PTPRN2: variants seen among roughly 807,000 people sequenced by gnomAD.
PTPRN2 encodes protein tyrosine phosphatase receptor type N2.
PTPRN2 carries 74 observed loss-of-function variants against 118.8 expected under a neutral mutation model. That is an observed-to-expected ratio of 0.62 (90% CI 0.52 to 0.76). The LOEUF is 0.76. Among genes scored for constraint, PTPRN2 ranks in the 30% least tolerant of loss-of-function variants. The pLI is 0.00. For missense variants in PTPRN2, 1,481 were observed against 1,394.4 expected, an observed-to-expected ratio of 1.06 and a Z score of -0.99; for synonymous variants, 641 against 608.0, an observed-to-expected ratio of 1.05 and a Z score of -0.80.
intron 12 of PTPRN2, among the ~76,000 whole-genome samples, chr7:157,802,558 G>A (rs969549126): frequency 6.6e-6 from 1 of 152,206 alleles, no homozygotes; most frequent in African/African-American, 2.4e-5. Context: ...CCGTCACTTC[G>A]AGGTCCTGAT....
intron 2 of PTPRN2, among the ~76,000 whole-genome samples, chr7:158,443,418 C>T (rs10249381): frequency 0.53 from 81,352 of 152,146 alleles, 22,003 homozygotes; most frequent in East Asian, 0.65. Flanking sequence ...CAACGGAGAA[C>T]TGACGAGACT....
chr7:157,932,354 T>C (rs1408803473), intron 11 of PTPRN2, among the ~76,000 whole-genome samples: 1 of 151,776 alleles, frequency 6.6e-6, no homozygotes, highest in African/African-American at 2.4e-5. Flanking sequence ...ACCGACGTCA[T>C]GTCTCTCTAG....
intron 12 of PTPRN2, among the ~76,000 whole-genome samples, chr7:157,891,311 G>A (rs1290774565): frequency 6.6e-6 from 1 of 152,070 alleles, no homozygotes; most frequent in Non-Finnish European, 1.5e-5. Context: ...TGACAGGGTG[G>A]AAGTCAGGGG....
At position 158,121,576 on chromosome 7, in the gene PTPRN2, G is replaced by A. The variant is rs182266339; in HGVS notation, c.1557-10661C>T. ...CCTTTTCTAGCATGTTTCAAACCAA[G>A]GGGATGGTATGAGGACATGGGAGGG... is the stretch of plus-strand genomic sequence containing the variant. On this transcript the variant is annotated intron_variant, in intron 9 of 22. Transcript: ENST00000389418. Among the ~76,000 whole-genome samples the A allele has an allele frequency of 4.5e-3, 687 of 152,294 alleles. 3 individuals carry two copies. Among genetic ancestry groups the A allele is most frequent in the African/African-American group, 0.016 (649 of 41,548 alleles).
At chr7:158,533,316 C>T (rs1446833501) in intron 1 of PTPRN2, among the ~76,000 whole-genome samples, 2 of 152,224 alleles carry the variant, frequency 1.3e-5, no homozygotes, top group Admixed American at 6.5e-5. Flanking sequence ...TCTGTGCAAA[C>T]TTTAAGTCCC....
chr7:158,164,347 C>T lies in PTPRN2; in HGVS notation c.910+2584G>A, dbSNP rs1421954158. Among the ~76,000 whole-genome samples, 8 of 127,262 alleles carry T rather than the reference C, an allele frequency of 6.3e-5. No individual in the cohort carries two copies. The South Asian group carries it at 7.9e-4, about 13-fold the overall frequency. The allele number at this position is 127,262 out of a possible 152,430, so 83.5% of individuals were successfully genotyped here. ...AGAAGGGCACGCAGAGCAGGAGTGG[C>T]GCGTAAGAAGGGCACGCAGAGCAGG... On this transcript the variant is annotated intron_variant, in intron 6 of 22. Transcript: ENST00000389418.
At chr7:158,094,090 G>A (rs181412881) in intron 10 of PTPRN2, among the ~76,000 whole-genome samples, 3 of 152,298 alleles carry the variant, frequency 2.0e-5, no homozygotes, top group East Asian at 3.9e-4. Flanking sequence ...AAAACAGATT[G>A]TTCAGTATGT....
Position 157,595,279 on chromosome 7 carries a change from T to C in PTPRN2, c.2455A>G (p.Thr819Ala). The change falls in exon 17 of 23, where the codon ACC becomes GCC. Residue 819 changes from threonine to alanine, a missense_variant. Coordinates refer to ENST00000389418, the MANE Select transcript of PTPRN2 (RefSeq NM_002847.5). Reference protein sequence around the residue: ...HDPRNPAYIATQGPLPATVAD... With the variant: ...HDPRNPAYIAAQGPLPATVAD... ...ACGGTGGCGGGCAGCGGTCCCTGGG[T>C]GGCGATGTACGCGGGGTTCCTCGGG... 1 of 1,614,198 alleles carries C rather than the reference T, an allele frequency of 6.2e-7. No individual in the cohort carries two copies. Among genetic ancestry groups the C allele is most frequent in the Non-Finnish European group, 8.5e-7 (1 of 1,180,042 alleles).
At chr7:158,328,716 G>A (rs142621319) in intron 2 of PTPRN2, among the ~76,000 whole-genome samples, 201 of 151,510 alleles carry the variant, frequency 1.3e-3, no homozygotes, top group African/African-American at 4.6e-3. Flanking sequence ...TGTGAGTGAC[G>A]TCTGCAGGTG....
At chr7:158,495,562 C>T (rs905986091) in intron 1 of PTPRN2, among the ~76,000 whole-genome samples, 1 of 152,158 alleles carries the variant, frequency 6.6e-6, no homozygotes, top group African/African-American at 2.4e-5. Context: ...CCAATCTCAG[C>T]ATCCCCTCCT....
chr7:158,127,943 T>C (rs998393570), intron 9 of PTPRN2, among the ~76,000 whole-genome samples: 3 of 152,160 alleles, frequency 2.0e-5, no homozygotes, highest in Non-Finnish European at 4.4e-5. Flanking sequence ...AAAATGTAAA[T>C]GGCAAAGGAT....
At chr7:158,068,229 G>A (rs1810931359) in intron 11 of PTPRN2, among the ~76,000 whole-genome samples, 1 of 152,246 alleles carries the variant, frequency 6.6e-6, no homozygotes, top group African/African-American at 2.4e-5. Flanking sequence ...CAACATGAAG[G>A]AGAAAGCCAT....
chr7:158,178,147 A>G (rs1824376252), intron 5 of PTPRN2, among the ~76,000 whole-genome samples: 1 of 152,214 alleles, frequency 6.6e-6, no homozygotes, highest in Admixed American at 6.5e-5. Context: ...ATTTCACATT[A>G]AATTGTCACT....
At chr7:157,805,290 T>TGTGTG (rs1805557835) in intron 12 of PTPRN2, among the ~76,000 whole-genome samples, 1 of 14,028 alleles carries the variant, frequency 7.1e-5, no homozygotes, top group Non-Finnish European at 1.1e-4. Context: ...TATATACTCC[T>TGTGTG]GTGTGTGTGT....
rs1797435611 is a variant in PTPRN2 at position 157,690,727 on chromosome 7, T to G, written c.1789-7790A>C. ...TCATCCGCTTCTGACCACAAACTTC[T>G]AGGGCGGCCGGAGGAGACAAAGGTG... On this transcript the variant is annotated intron_variant, in intron 12 of 22. Coordinates refer to ENST00000389418, the MANE Select transcript of PTPRN2 (RefSeq NM_002847.5). The surrounding 1 kb of genome is among the most constrained non-coding windows in gnomAD (Gnocchi z 7.1). 6.6e-6 allele frequency among the ~76,000 whole-genome samples: 1 copy of G among 151,238 alleles called. No homozygotes were observed. Among genetic ancestry groups the G allele is most frequent in the Admixed American group, 6.6e-5 (1 of 15,206 alleles).
At chr7:158,492,387 A>G (rs1821524975) in intron 1 of PTPRN2, among the ~76,000 whole-genome samples, 1 of 152,236 alleles carries the variant, frequency 6.6e-6, no homozygotes, top group South Asian at 2.1e-4. Flanking sequence ...GAGCTCTGCT[A>G]GGAGAGGCAC....
In PTPRN2 at chr7:158,546,723, C is replaced by G. The variant is rs1458202338; in HGVS notation, c.112+40835G>C. On this transcript the variant is annotated intron_variant, in intron 1 of 22. Coordinates refer to ENST00000389418, the MANE Select transcript of PTPRN2 (RefSeq NM_002847.5). The surrounding 1 kb of genome is among the most constrained non-coding windows in gnomAD (Gnocchi z 5.0). ...ATGCTTGCCTTGGTGAAGACCCCAG[C>G]CACCAGCCTGGGAGGCCCGGTCACC... Among the ~76,000 whole-genome samples the G allele has an allele frequency of 6.6e-6, 1 of 152,204 alleles. No individual in the cohort carries two copies.
At chr7:157,616,134 C>T (rs1325052365) in intron 15 of PTPRN2, 6 of 157,082 alleles carry the variant, frequency 3.8e-5, no homozygotes, top group Non-Finnish European at 7.0e-5. Context: ...ATTCTGTAAG[C>T]GGAATCGGAA....
At chr7:158,067,196 T>C (rs114163531) in intron 11 of PTPRN2, among the ~76,000 whole-genome samples, 1,701 of 152,354 alleles carry the variant, frequency 0.011, 29 homozygotes, top group African/African-American at 0.033. Context: ...ACGTATGTGA[T>C]AATGCTGTTG....
Sources: allele counts gnomAD v4.1 joint callset (sites outside exome capture counted in the v4.1 genomes callset), GRCh38; gene constraint gnomAD v4.1.1; non-coding constraint Gnocchi (gnomAD v3.1); transcripts MANE v1.5; gene names NCBI Gene and HGNC (gene_info 2026-07-23, HGNC 2026-07-21).